Variants in TNFAIP8 observed in about 807,000 individuals in gnomAD.
The protein encoded by TNFAIP8 is tumor necrosis factor alpha-induced protein 8.
In TNFAIP8, 7 loss-of-function variants were observed where a neutral mutation model predicts 13.3. The ratio of observed to expected loss-of-function variants is 0.52; its 90% CI spans 0.30 to 0.99. TNFAIP8 has a LOEUF of 0.99. TNFAIP8 is among the 50% of genes least tolerant of loss of function. The probability of loss-of-function intolerance (pLI) is 0.07; values close to 1 mark genes in which losing one functional copy is unlikely to be tolerated. For synonymous variants in TNFAIP8, 94 were observed against 87.6 expected (o/e 1.07, Z -0.41); for missense variants, 258 against 236.9 (o/e 1.09, Z -0.58).
intron 1 of TNFAIP8, among the ~76,000 whole-genome samples, chr5:119,307,473 C>T (rs1314655325): frequency 6.6e-6 from 1 of 152,112 alleles, no homozygotes; most frequent in Non-Finnish European, 1.5e-5. Context: ...TTAGAAAGAA[C>T]CAAACACACA....
intron 1 of TNFAIP8, among the ~76,000 whole-genome samples, chr5:119,318,662 TC>T (rs1749969303): frequency 7.9e-6 from 1 of 127,090 alleles, no homozygotes; most frequent in Non-Finnish European, 1.7e-5. Context: ...TTTTTTTTCT[TC>T]CTCCCCCCGC....
At chr5:119,275,750 C>T (rs184663550) in intron 1 of TNFAIP8, among the ~76,000 whole-genome samples, 251 of 152,052 alleles carry the variant, frequency 1.7e-3, no homozygotes, top group African/African-American at 5.6e-3. Context: ...CTAATAGGGG[C>T]CATGGAAATT....
intron 1 of TNFAIP8, among the ~76,000 whole-genome samples, chr5:119,335,196 G>A (rs1274751676): frequency 1.3e-5 from 2 of 152,136 alleles, no homozygotes; most frequent in African/African-American, 4.8e-5. Flanking sequence ...GCCTGTGGGA[G>A]CATCACCACC....
chr5:119,351,666 G>A (rs1751150905), upstream of TNFAIP8, among the ~76,000 whole-genome samples: 1 of 152,140 alleles, frequency 6.6e-6, no homozygotes, highest in South Asian at 2.1e-4. Context: ...GGCTACTTGA[G>A]GCACAGAGCT....
At chr5:119,391,043 C>T in intron 1 of TNFAIP8, among the ~76,000 whole-genome samples, 1 of 148,902 alleles carries the variant, frequency 6.7e-6, no homozygotes, top group Non-Finnish European at 1.5e-5. Flanking sequence ...GTTGCCCAGG[C>T]TGGTGTCAAA....
intron 1 of TNFAIP8, among the ~76,000 whole-genome samples, chr5:119,345,138 T>C (rs1750856527): frequency 6.6e-6 from 1 of 152,218 alleles, no homozygotes; most frequent in African/African-American, 2.4e-5. Flanking sequence ...TTGTACAAAA[T>C]AATACATATA....
intron 1 of TNFAIP8, among the ~76,000 whole-genome samples, chr5:119,278,376 A>AGAGAGTGTGTGT (rs760411484): frequency 9.2e-6 from 1 of 108,190 alleles, no homozygotes; most frequent in Non-Finnish European, 1.9e-5. Context: ...AGAGAGAGAG[A>AGAGAGTGTGTGT]GTGTGTGTGT....
intron 1 of TNFAIP8, among the ~76,000 whole-genome samples, chr5:119,350,647 C>T (rs904753328): frequency 6.6e-6 from 1 of 152,242 alleles, no homozygotes. Context: ...ATTATTGTCT[C>T]TCTGTGTGTG....
At chr5:119,300,913 G>A (rs2112651643) in intron 1 of TNFAIP8, among the ~76,000 whole-genome samples, 1 of 152,334 alleles carries the variant, frequency 6.6e-6, no homozygotes, top group African/African-American at 2.4e-5. Flanking sequence ...AATTGCAGGT[G>A]CAGATGGGAG....
At chr5:119,367,997 C>G (rs963623031) in intron 1 of TNFAIP8, among the ~76,000 whole-genome samples, 2 of 152,114 alleles carry the variant, frequency 1.3e-5, no homozygotes, top group Admixed American at 6.5e-5. Context: ...CTTGTTATCT[C>G]TTTCATGTTT....
intron 1 of TNFAIP8, among the ~76,000 whole-genome samples, chr5:119,363,827 A>G (rs1014890818): frequency 1.3e-5 from 2 of 152,220 alleles, no homozygotes; most frequent in Non-Finnish European, 2.9e-5. Flanking sequence ...TGAGACAGCA[A>G]TTGCAAGGCC....
chr5:119,369,192 T>C (rs1382513404), intron 1 of TNFAIP8, among the ~76,000 whole-genome samples: 1 of 151,952 alleles, frequency 6.6e-6, no homozygotes, highest in African/African-American at 2.4e-5. Context: ...TAGGTGGGAT[T>C]ATGGGCACCC....
At chr5:119,303,331 A>G (rs73252308) in intron 1 of TNFAIP8, among the ~76,000 whole-genome samples, 1,542 of 152,266 alleles carry the variant, frequency 0.01, 17 homozygotes, top group African/African-American at 0.035. Flanking sequence ...GTCCCAGTTA[A>G]TGTTTTGCCA....
In TNFAIP8 at chr5:119,395,180, G is replaced by A. The variant is rs1753044644; in HGVS notation, c.*1799G>A. The stretch of plus-strand genomic sequence containing the variant: ...CATTCTCACTTCCTAGAGCCAGTAG[G>A]TGATCAGTATATGCTGTAACAATAA... On this transcript the variant is annotated 3_prime_UTR_variant, in exon 2 of 2. Coordinates refer to ENST00000504771, the MANE Select transcript of TNFAIP8 (RefSeq NM_014350.4). 1 of 152,298 alleles carries A rather than the reference G, an allele frequency of 6.6e-6. No individual in the cohort carries two copies. Among genetic ancestry groups the A allele is most frequent in the East Asian group, 1.9e-4 (1 of 5,184 alleles). The allele number at this position is 152,298 out of a possible 1,614,324, so 9.4% of individuals were successfully genotyped here. A position where few individuals can be genotyped will look rare whatever the true frequency, so the allele number is the denominator to read the frequency against.
At chr5:119,292,686 A>AT (rs56249175) in intron 1 of TNFAIP8, among the ~76,000 whole-genome samples, 1 of 11,378 alleles carries the variant, frequency 8.8e-5, no homozygotes, top group East Asian at 0.025. Context: ...ATATATATAT[A>AT]CACACACACA....
At chr5:119,310,025 G>A (rs141132352) in intron 1 of TNFAIP8, among the ~76,000 whole-genome samples, 195 of 152,320 alleles carry the variant, frequency 1.3e-3, no homozygotes, top group African/African-American at 4.5e-3. Context: ...TTGTCACTTA[G>A]TAGGATCTCA....
chr5:119,291,359 T>C (rs1186159098), intron 1 of TNFAIP8, among the ~76,000 whole-genome samples: 1 of 152,258 alleles, frequency 6.6e-6, no homozygotes, highest in East Asian at 1.9e-4. Context: ...TTTCGGCCTG[T>C]CATGCATAAT....
chr5:119,368,458 T>C (rs1242798367), intron 1 of TNFAIP8, among the ~76,000 whole-genome samples: 11 of 94,428 alleles, frequency 1.2e-4, no homozygotes, highest in East Asian at 4.4e-4. Context: ...TGTGTGTGTG[T>C]GCGTGTGTGT....
chr5:119,392,707 T>C (rs1239878820), intron 1 of TNFAIP8, 109 bp from the exon 2 acceptor site: 1 of 1,273,300 alleles, frequency 7.9e-7, no homozygotes, highest in Non-Finnish European at 1.0e-6. Context: ...AAACCACAAA[T>C]GGTGGGAAAA....
Sources: allele counts gnomAD v4.1 joint callset (sites outside exome capture counted in the v4.1 genomes callset), GRCh38; gene constraint gnomAD v4.1.1; transcripts MANE v1.5; gene names NCBI Gene and HGNC (gene_info 2026-07-23, HGNC 2026-07-21).